CADPS: variants seen among roughly 807,000 people sequenced by gnomAD.
The protein encoded by CADPS is calcium-dependent secretion activator 1.
CADPS carries 57 observed loss-of-function variants against 167.3 expected under a neutral mutation model. The observed-to-expected ratio is 0.34, with a 90% CI of 0.28 to 0.42. The LOEUF is 0.42. Ranked by LOEUF, CADPS falls within the 20% of genes least tolerant of loss-of-function variation. The pLI, the probability that CADPS is intolerant of heterozygous loss-of-function variation, is 1.00. For missense variants in CADPS, 1,414 were observed against 1,738.1 expected, an observed-to-expected ratio of 0.81 and a Z score of 3.32; for synonymous variants, 676 against 635.3, an observed-to-expected ratio of 1.06 and a Z score of -0.96.
In CADPS at chr3:62,420,960, C is replaced by G. The variant is rs1198721901; in HGVS notation, c.3777+17144G>C. ...CCCAAACCTTACCCTGGGGAGCCAG[C>G]CATCTCATTTCTGTAAAAGGCACAA... On this transcript the variant is annotated intron_variant, in intron 28 of 29. Coordinates refer to ENST00000383710, the MANE Select transcript of CADPS (RefSeq NM_003716.4). This position sits in a 1 kb window ranked among gnomAD's most constrained non-coding sequence, Gnocchi z 4.1. 2.0e-5 allele frequency among the ~76,000 whole-genome samples: 3 copies of G among 151,658 alleles called. No individual in the cohort carries two copies. The highest frequency in any genetic ancestry group is 4.4e-5 in the Non-Finnish European group (3 of 67,938).
intron 9 of CADPS, among the ~76,000 whole-genome samples, chr3:62,568,069 A>C (rs1277313607): frequency 6.6e-6 from 1 of 152,226 alleles, no homozygotes; most frequent in Non-Finnish European, 1.5e-5. Flanking sequence ...GGAGTGAACC[A>C]GGTTAGACTA....
chr3:62,543,639 G>A (rs1220775726), intron 11 of CADPS, among the ~76,000 whole-genome samples: 1 of 151,810 alleles, frequency 6.6e-6, no homozygotes, highest in African/African-American at 2.4e-5. Flanking sequence ...AGAAAGAAAG[G>A]GAGGAAAAAG....
chr3:62,435,737 G>A (rs1463703587), intron 28 of CADPS, among the ~76,000 whole-genome samples: 2 of 151,940 alleles, frequency 1.3e-5, no homozygotes, highest in Non-Finnish European at 2.9e-5. Context: ...TTTACCATCA[G>A]ATATACTCAG....
At chr3:62,748,053 G>C (rs1375086133) in intron 3 of CADPS, among the ~76,000 whole-genome samples, 1 of 151,476 alleles carries the variant, frequency 6.6e-6, no homozygotes, top group South Asian at 2.1e-4. Flanking sequence ...GGGCGTGGCG[G>C]CTTACACCTG....
chr3:62,614,021 A>C (rs1484262729), intron 6 of CADPS, among the ~76,000 whole-genome samples: 1 of 152,184 alleles, frequency 6.6e-6, no homozygotes, highest in Non-Finnish European at 1.5e-5. Flanking sequence ...TGCCTGCTAC[A>C]GGGGAGGGCC....
intron 1 of CADPS, among the ~76,000 whole-genome samples, chr3:62,837,648 T>A (rs2153023879): frequency 6.6e-6 from 1 of 152,312 alleles, no homozygotes; most frequent in African/African-American, 2.4e-5. Context: ...CCTGTGCCAG[T>A]ATATGAAGAT....
chr3:62,805,225 G>A (rs1021556579), intron 1 of CADPS, among the ~76,000 whole-genome samples: 2 of 152,140 alleles, frequency 1.3e-5, no homozygotes, highest in South Asian at 2.1e-4. Flanking sequence ...GTTGAGAACC[G>A]CTCACTGTTA....
At chr3:62,512,913 C>T (rs2068143917) in intron 16 of CADPS, 145 bp from the exon 17 acceptor site, 2 of 573,682 alleles carry the variant, frequency 3.5e-6, no homozygotes, top group South Asian at 8.2e-5. Context: ...TGGGTTCCCA[C>T]CGCCCCAAAG....
In CADPS at chr3:62,478,106, C is replaced by A; in HGVS notation, c.3329+155G>T. ...GGAGGGCAGGTGAATGGAAGTTAGA[C>A]GTTGACAGCCACTACTCCAGCTGAC... is the stretch of plus-strand genomic sequence containing the variant. On this transcript the variant is annotated intron_variant, in intron 23 of 29. Coordinates refer to ENST00000383710, the MANE Select transcript of CADPS (RefSeq NM_003716.4). This position sits in a 1 kb window ranked among gnomAD's most constrained non-coding sequence, Gnocchi z 5.7. 1.3e-6 allele frequency: 1 copy of A among 751,168 alleles called. No homozygotes were observed. The highest frequency in any genetic ancestry group is 2.1e-6 in the Non-Finnish European group (1 of 468,460). 46.5% of individuals were successfully genotyped at this position (751,168 alleles called of 1,614,324 possible). A position where few individuals can be genotyped will look rare whatever the true frequency, so the allele number is the denominator to read the frequency against.
chr3:62,656,731 C>A (rs1483283662), intron 4 of CADPS, among the ~76,000 whole-genome samples: 1 of 152,116 alleles, frequency 6.6e-6, no homozygotes, highest in Non-Finnish European at 1.5e-5. Context: ...AGAAAGAGGT[C>A]TTGGTATTAA....
At chr3:62,809,127 A>G (rs913575443) in intron 1 of CADPS, among the ~76,000 whole-genome samples, 3 of 152,178 alleles carry the variant, frequency 2.0e-5, no homozygotes, top group Non-Finnish European at 4.4e-5. Context: ...TCCTTGCCAC[A>G]GTCCTTTGCT....
intron 11 of CADPS, among the ~76,000 whole-genome samples, chr3:62,548,711 G>A (rs1174233895): frequency 6.6e-6 from 1 of 152,236 alleles, no homozygotes; most frequent in Non-Finnish European, 1.5e-5. Context: ...CAAGCACTGT[G>A]TTAGAGGTTA....
intron 8 of CADPS, among the ~76,000 whole-genome samples, chr3:62,576,879 T>C (rs2082394345): frequency 7.2e-6 from 1 of 139,170 alleles, no homozygotes; most frequent in Non-Finnish European, 1.5e-5. Flanking sequence ...GAAAGTGAGG[T>C]ACACATGTCT....
chr3:62,451,960 C>T (rs1200043895), intron 26 of CADPS, among the ~76,000 whole-genome samples: 1 of 152,156 alleles, frequency 6.6e-6, no homozygotes, highest in Non-Finnish European at 1.5e-5. Context: ...TTTTTCATCT[C>T]TCACCAGCCT....
intron 9 of CADPS, among the ~76,000 whole-genome samples, chr3:62,557,894 TA>T (rs1258841055): frequency 3.3e-4 from 51 of 152,350 alleles, no homozygotes; most frequent in African/African-American, 1.1e-3. Flanking sequence ...CAAAAGTGGT[TA>T]AACGACAGCA....
chr3:62,824,390 T>C (rs2073651741), intron 1 of CADPS, among the ~76,000 whole-genome samples: 1 of 152,130 alleles, frequency 6.6e-6, no homozygotes, highest in Non-Finnish European at 1.5e-5. Flanking sequence ...TGTTTTAGGC[T>C]ATGGGAACAA....
At chr3:62,599,878 AAT>A (rs199812969) in intron 6 of CADPS, among the ~76,000 whole-genome samples, 3,647 of 72,460 alleles carry the variant, frequency 0.05, 353 homozygotes, top group African/African-American at 0.18. Flanking sequence ...AATAATATAT[AAT>A]ATATATATAT....
At chr3:62,716,984 C>T (rs1037570945) in intron 3 of CADPS, among the ~76,000 whole-genome samples, 5 of 152,198 alleles carry the variant, frequency 3.3e-5, no homozygotes, top group African/African-American at 1.2e-4. Context: ...TCAAGCCACC[C>T]TTTTAATTTT....
chr3:62,870,017 G>C (rs2082332339), intron 1 of CADPS, among the ~76,000 whole-genome samples: 2 of 152,066 alleles, frequency 1.3e-5, no homozygotes, highest in Non-Finnish European at 2.9e-5. Context: ...CCAGTTTTAG[G>C]GAATCATAAG....
Sources: allele counts gnomAD v4.1 joint callset (sites outside exome capture counted in the v4.1 genomes callset), GRCh38; gene constraint gnomAD v4.1.1; non-coding constraint Gnocchi (gnomAD v3.1); transcripts MANE v1.5; gene names NCBI Gene and HGNC (gene_info 2026-07-23, HGNC 2026-07-21).